CSNK1E: variants seen among roughly 807,000 people sequenced by gnomAD.
The protein encoded by CSNK1E is casein kinase 1 epsilon.
In CSNK1E, 17 loss-of-function variants were observed where a neutral mutation model predicts 46.1. The ratio of observed to expected loss-of-function variants is 0.37; its 90% CI spans 0.25 to 0.55. CSNK1E has a LOEUF of 0.55. Ranked by LOEUF, CSNK1E falls within the 20% of genes least tolerant of loss-of-function variation. CSNK1E has a pLI of 0.82. For missense variants in CSNK1E, 386 were observed against 595.4 expected, an observed-to-expected ratio of 0.65 and a Z score of 3.66; for synonymous variants, 241 against 242.6, an observed-to-expected ratio of 0.99 and a Z score of 0.06.
chr22:38,301,048 G>A, intron 4 of CSNK1E, 96 bp from the exon 5 acceptor site: 1 of 1,025,606 alleles, frequency 9.8e-7, no homozygotes, highest in South Asian at 1.4e-5. Context: ...AAAGGCAGAG[G>A]GAGAAAGGCC....
intron 7 of CSNK1E, chr22:38,297,278 A>G: frequency 1.6e-6 from 1 of 643,584 alleles, no homozygotes; most frequent in East Asian, 2.8e-5. Flanking sequence ...CCTGTGGTGG[A>G]AAGAGCTGGT....
At chr22:38,296,999 C>T (rs1379242449) in intron 7 of CSNK1E, 7 of 662,494 alleles carry the variant, frequency 1.1e-5, no homozygotes, top group Non-Finnish European at 1.9e-5. Flanking sequence ...GTCTTAAACT[C>T]CTGACCTCAA....
intron 1 of CSNK1E, 99 bp from the exon 2 acceptor site, chr22:38,314,268 C>T: frequency 1.1e-6 from 1 of 880,768 alleles, no homozygotes; most frequent in South Asian, 1.4e-5. Flanking sequence ...ACTCGAAAAC[C>T]TGCATTCTCG....
Position 38,294,525 on chromosome 22 carries a change from G to T in CSNK1E, c.895C>A (p.Arg299=). The T allele has an allele frequency of 6.3e-7, 1 of 1,590,274 alleles. No individual in the cohort carries two copies. Among genetic ancestry groups the T allele is most frequent in the East Asian group, 2.3e-5 (1 of 43,230 alleles). The change falls in exon 8 of 11, where the codon CGG becomes AGG. Residue 299 remains arginine, a synonymous_variant. Transcript: ENST00000396832. This position sits in a 1 kb window ranked among gnomAD's most constrained non-coding sequence, Gnocchi z 5.5. ...DWNMLKFGAA[R]NPEDVDRERR... ...TCCCGGTCCACATCCTCGGGATTCC[G>T]GGCTGCACCCTGCAGGGATGCAAGA...
chr22:38,295,509 C>T (rs2092635798), intron 7 of CSNK1E: 1 of 339,604 alleles, frequency 2.9e-6, no homozygotes, highest in South Asian at 1.1e-4. Context: ...GGTGTGGTTC[C>T]TGCAACCCAT....
intron 1 of CSNK1E, among the ~76,000 whole-genome samples, chr22:38,315,643 G>A (rs998634653): frequency 9.9e-6 from 1 of 101,242 alleles, no homozygotes; most frequent in Non-Finnish European, 2.0e-5. Flanking sequence ...GTAAGGGGGG[G>A]TGTGCACGCA....
chr22:38,313,860 G>A (rs1180338302), intron 2 of CSNK1E, among the ~76,000 whole-genome samples: 3 of 152,242 alleles, frequency 2.0e-5, no homozygotes, highest in African/African-American at 7.2e-5. Flanking sequence ...TGCAGAAACT[G>A]GAGCTAAAAA....
intron 1 of CSNK1E, chr22:38,316,516 G>C (rs1569085380): frequency 1.3e-5 from 2 of 152,376 alleles, no homozygotes; most frequent in East Asian, 3.9e-4. Flanking sequence ...ACGACACCCA[G>C]ACACTGTTTT....
chr22:38,302,885 C>A lies in CSNK1E; in HGVS notation c.312G>T (p.Thr104=), dbSNP rs371797069. ...CCATCTGGTCGGCCAAGAGCAGCAC[C>A]GTCTTGAGGCTGAATTTGCGGGAAC... ...NFCSRKFSLK[T]VLLLADQMIS... The change falls in exon 4 of 11, where the codon ACG becomes ACT. Residue 104 remains threonine, a synonymous_variant. Transcript: ENST00000396832. 6.2e-7 allele frequency: 1 copy of A among 1,614,102 alleles called. No individual in the cohort carries two copies. The highest frequency in any genetic ancestry group is 8.5e-7 in the Non-Finnish European group (1 of 1,180,012).
In CSNK1E at chr22:38,294,125, C is replaced by T. The variant is rs770285198; in HGVS notation, c.1202G>A (p.Arg401Gln). The T allele has an allele frequency of 1.1e-5, 18 of 1,610,144 alleles. No homozygotes were observed. Among genetic ancestry groups the T allele is most frequent in the Non-Finnish European group, 3.4e-6 (4 of 1,179,510 alleles). Residue 401 changes from arginine (R) to glutamine (Q), a missense_variant, in exon 9 of 11, where the codon CGG becomes CAG. Arg to Gln is a conservative substitution (Grantham distance 43). This residue lies in a region of CSNK1E where 174 missense variants were observed against 185.2 expected (regional missense o/e 0.94). Transcript: ENST00000396832. The surrounding 1 kb of genome is among the most constrained non-coding windows in gnomAD (Gnocchi z 5.5). ...GCAGCTCACCTGTGAGGCTGGGATC[C>T]GGGAGACCTCTTGCCGCCCAGTGAG... is the stretch of plus-strand genomic sequence containing the variant. ...SDLTGRQEVS[R>Q]IPASQTSVPF... is the part of the protein sequence containing the mutation.
chr22:38,291,362 A>ACACG lies in CSNK1E; in HGVS notation c.*608_*609insCGTG, dbSNP rs1475759533. The ACACG allele has an allele frequency of 6.6e-6, 1 of 151,872 alleles. No individual in the cohort carries two copies. Among genetic ancestry groups the ACACG allele is most frequent in the Non-Finnish European group, 1.5e-5 (1 of 68,410 alleles). The allele number at this position is 151,872 out of a possible 1,614,324, so 9.4% of individuals were successfully genotyped here. On this transcript the variant is annotated 3_prime_UTR_variant, in exon 11 of 11. Coordinates refer to ENST00000396832, the MANE Select transcript of CSNK1E (RefSeq NM_152221.3). Reference sequence around the variant, plus strand: ...TCCACACACACACACACACACACACACGCAGGGGACGCCGGCCCCCACCAC... The same window carrying ACACG: ...TCCACACACACACACACACACACACACACGCGCAGGGGACGCCGGCCCCCACCAC...
intron 2 of CSNK1E, among the ~76,000 whole-genome samples, chr22:38,313,386 T>C (rs1320839732): frequency 6.6e-6 from 1 of 152,110 alleles, no homozygotes; most frequent in African/African-American, 2.4e-5. Flanking sequence ...TTTGGACCAA[T>C]AAGCACAAAG....
In CSNK1E at chr22:38,300,131, G is replaced by C; in HGVS notation, c.566-66C>G. Reference sequence around the variant, plus strand: ...ACTCAGGCCCCTAACTCATCCTCTGGGTCATGCTCCTCACAATGCACCAGG... The same window carrying C: ...ACTCAGGCCCCTAACTCATCCTCTGCGTCATGCTCCTCACAATGCACCAGG... On this transcript the variant is annotated intron_variant, in intron 5 of 10. Transcript: ENST00000396832. This position sits in a 1 kb window ranked among gnomAD's most constrained non-coding sequence, Gnocchi z 4.4. 6.6e-7 allele frequency: 1 copy of C among 1,507,584 alleles called. No individual in the cohort carries two copies. The highest frequency in any genetic ancestry group is 1.2e-5 in the South Asian group (1 of 85,016). The allele number at this position is 1,507,584 out of a possible 1,614,324, so 93.4% of individuals were successfully genotyped here.
Position 38,300,613 on chromosome 22 carries a change from C to T in CSNK1E, c.565+111G>A. 9.3e-7 allele frequency: 1 copy of T among 1,070,120 alleles called. No homozygotes were observed. Among genetic ancestry groups the T allele is most frequent in the Non-Finnish European group, 1.4e-6 (1 of 730,120 alleles). The allele number at this position is 1,070,120 out of a possible 1,614,324, so 66.3% of individuals were successfully genotyped here. ...GGCAGACGGGGTGGGGACTTTCTCA[C>T]TAGAAAAGAGCCTGGGGGCCTCCAT... On this transcript the variant is annotated intron_variant, in intron 5 of 10. Coordinates refer to ENST00000396832, the MANE Select transcript of CSNK1E (RefSeq NM_152221.3). This position sits in a 1 kb window ranked among gnomAD's most constrained non-coding sequence, Gnocchi z 4.4.
chr22:38,317,395 GCCCGCCCGCCCGCC>G lies in CSNK1E; in HGVS notation c.-262_-249del, dbSNP rs1378020940. 1 of 83,818 alleles carries G rather than the reference GCCCGCCCGCCCGCC, an allele frequency of 1.2e-5. No individual in the cohort carries two copies. Among genetic ancestry groups the G allele is most frequent in the Non-Finnish European group, 2.4e-5 (1 of 41,342 alleles). The allele number at this position is 83,818 out of a possible 1,614,324, so 5.2% of individuals were successfully genotyped here. A position where few individuals can be genotyped will look rare whatever the true frequency, so the allele number is the denominator to read the frequency against. On this transcript the variant is annotated 5_prime_UTR_variant, in exon 1 of 11. Transcript: ENST00000396832. Reference sequence around the variant, plus strand: ...GCCGCCTCCCTCCTCCCGGCCTCCTGCCCGCCCGCCCGCCCCCGCCGCCGGCTCGCGCGCTCTCG... The same window carrying G: ...GCCGCCTCCCTCCTCCCGGCCTCCTGCCCGCCGCCGGCTCGCGCGCTCTCG...
intron 2 of CSNK1E, among the ~76,000 whole-genome samples, chr22:38,313,684 G>A (rs1028037856): frequency 6.6e-6 from 1 of 152,164 alleles, no homozygotes; most frequent in Non-Finnish European, 1.5e-5. Flanking sequence ...ACATAGAGAG[G>A]GGGGCCTGGC....
chr22:38,315,494 G>A (rs1166310223), intron 1 of CSNK1E, among the ~76,000 whole-genome samples: 2 of 152,214 alleles, frequency 1.3e-5, no homozygotes, highest in African/African-American at 2.4e-5. Flanking sequence ...GAGGTGCCAC[G>A]CTGCCAGGGG....
At position 38,309,678 on chromosome 22, in the gene CSNK1E, C is replaced by T. The variant is rs1286062609; in HGVS notation, c.76+4404G>A. Reference sequence around the variant, plus strand: ...CCATGTTGGCCGGGCTGGTCTCAAACTCCTGACCTCAAATGATCTGCCCGC... The same window carrying T: ...CCATGTTGGCCGGGCTGGTCTCAAATTCCTGACCTCAAATGATCTGCCCGC... On this transcript the variant is annotated intron_variant, in intron 2 of 10. Coordinates refer to ENST00000396832, the MANE Select transcript of CSNK1E (RefSeq NM_152221.3). The surrounding 1 kb of genome is among the most constrained non-coding windows in gnomAD (Gnocchi z 4.8). 6.6e-6 allele frequency among the ~76,000 whole-genome samples: 1 copy of T among 152,184 alleles called. No individual in the cohort carries two copies. Among genetic ancestry groups the T allele is most frequent in the Non-Finnish European group, 1.5e-5 (1 of 68,040 alleles).
chr22:38,296,742 G>C, intron 7 of CSNK1E: 13 of 1,582,480 alleles, frequency 8.2e-6, no homozygotes, highest in Non-Finnish European at 1.1e-5. Flanking sequence ...CCATAAGGGA[G>C]GAACCTAGAG....
Sources: gnomAD v4.1 joint callset for allele counts (sites outside exome capture counted in the v4.1 genomes callset) on GRCh38, gnomAD v4.1.1 for gene constraint, gnomAD v4.1.1 regional missense constraint, Gnocchi (gnomAD v3.1) non-coding constraint, MANE v1.5 for transcripts, NCBI Gene and HGNC (gene_info 2026-07-23, HGNC 2026-07-21) for gene names.